Variants in SP100 observed in about 807,000 individuals in gnomAD.
The protein encoded by SP100 is nuclear autoantigen Sp-100.
A neutral mutation model predicts 130.0 loss-of-function variants in SP100; 84 were observed. The ratio of observed to expected loss-of-function variants is 0.65; its 90% CI spans 0.54 to 0.77. SP100 has a LOEUF of 0.77. Ranked by LOEUF, SP100 falls within the 30% of genes least tolerant of loss-of-function variation. The pLI, the probability that SP100 is intolerant of heterozygous loss-of-function variation, is 0.00. For synonymous variants in SP100, 331 were observed against 351.7 expected, an observed-to-expected ratio of 0.94 and a Z score of 0.66; for missense variants, 978 against 1,052.2, an observed-to-expected ratio of 0.93 and a Z score of 0.97.
At chr2:230,421,354 G>C (rs903545003) in intron 2 of SP100, among the ~76,000 whole-genome samples, 3 of 152,136 alleles carry the variant, frequency 2.0e-5, no homozygotes, top group Non-Finnish European at 2.9e-5. Flanking sequence ...GTTAGTTTCA[G>C]CTTCCAAGGC....
At chr2:230,529,209 C>T (rs568433186) in intron 24 of SP100, among the ~76,000 whole-genome samples, 4 of 152,320 alleles carry the variant, frequency 2.6e-5, no homozygotes, top group South Asian at 2.1e-4. Context: ...TCCAGCAACA[C>T]ATCCAAAAGC....
intron 17 of SP100, among the ~76,000 whole-genome samples, chr2:230,475,713 A>G (rs1243720744): frequency 6.6e-6 from 1 of 152,208 alleles, no homozygotes; most frequent in East Asian, 1.9e-4. Context: ...TAATTTTTGT[A>G]TAGGATGAGA....
intron 2 of SP100, among the ~76,000 whole-genome samples, chr2:230,438,648 TAC>T (rs796889943): frequency 0.064 from 8,179 of 127,344 alleles, 446 homozygotes; most frequent in East Asian, 0.15. Flanking sequence ...TGTATATATA[TAC>T]ACACACACAC....
intron 5 of SP100, among the ~76,000 whole-genome samples, chr2:230,447,578 A>T (rs545127236): frequency 6.6e-6 from 1 of 152,168 alleles, no homozygotes; most frequent in African/African-American, 2.4e-5. Context: ...CACAGATCTC[A>T]TGGAAATGTT....
intron 24 of SP100, among the ~76,000 whole-genome samples, chr2:230,522,747 C>T (rs1028126789): frequency 1.3e-5 from 2 of 151,936 alleles, no homozygotes; most frequent in African/African-American, 4.8e-5. Flanking sequence ...CTCGGCCTCC[C>T]AAAGTGCTGG....
intron 24 of SP100, among the ~76,000 whole-genome samples, chr2:230,524,194 A>AG (rs1289315137): frequency 7.9e-4 from 114 of 144,112 alleles, no homozygotes; most frequent in African/African-American, 2.7e-3. Flanking sequence ...AAAAAAAAAA[A>AG]AAAAAAAGAA....
chr2:230,450,115 G>C (rs2063901464), intron 7 of SP100, 57 bp from the exon 8 acceptor site: 3 of 1,286,540 alleles, frequency 2.3e-6, no homozygotes, highest in Admixed American at 3.7e-5. Context: ...TAACCAAATG[G>C]AAACAGGACA....
intron 24 of SP100, among the ~76,000 whole-genome samples, chr2:230,525,721 C>A (rs1241596681): frequency 6.6e-6 from 1 of 152,202 alleles, no homozygotes; most frequent in East Asian, 1.9e-4. Flanking sequence ...GCAGTCTTAG[C>A]AACCGACAGA....
Position 230,449,698 on chromosome 2 carries a change from G to T in SP100, c.724G>T (p.Ala242Ser). The change falls in exon 7 of 29, where the codon GCT becomes TCT. Residue 242 changes from alanine (A) to serine (S), a missense_variant. Transcript: ENST00000340126. ...AACAAATGAACAATGTGCTCAAAAG[G>T]CTGAGCCAACAGGTAAGACTGACTG... ...QQTNEQCAQKAEPTESCEQIA... is the reference protein window; with the variant it reads ...QQTNEQCAQKSEPTESCEQIA... 1.2e-6 allele frequency: 2 copies of T among 1,614,154 alleles called. No individual in the cohort carries two copies. Among genetic ancestry groups the T allele is most frequent in the Non-Finnish European group, 1.7e-6 (2 of 1,180,016 alleles).
intron 15 of SP100, among the ~76,000 whole-genome samples, chr2:230,472,843 C>T (rs530852856): frequency 6.6e-6 from 1 of 152,298 alleles, no homozygotes; most frequent in Admixed American, 6.5e-5. Context: ...AAAGGCCTCA[C>T]CCAGGCATTT....
intron 2 of SP100, among the ~76,000 whole-genome samples, chr2:230,433,666 G>A (rs1196142324): frequency 6.6e-6 from 1 of 151,914 alleles, no homozygotes; most frequent in Non-Finnish European, 1.5e-5. Flanking sequence ...TCTCATCAAT[G>A]TTTTGCCATT....
chr2:230,442,304 TCAC>T (rs1214497248), intron 2 of SP100, among the ~76,000 whole-genome samples: 1 of 152,300 alleles, frequency 6.6e-6, no homozygotes, highest in African/African-American at 2.4e-5. Context: ...CTAAAATGAT[TCAC>T]CATATATAGC....
intron 2 of SP100, among the ~76,000 whole-genome samples, chr2:230,438,146 T>A (rs916139492): frequency 6.6e-6 from 1 of 152,192 alleles, no homozygotes; most frequent in Non-Finnish European, 1.5e-5. Flanking sequence ...TTTAGTTGGA[T>A]TCTCTTTGAT....
At chr2:230,451,787 T>C (rs2063999816) in intron 8 of SP100, among the ~76,000 whole-genome samples, 1 of 140,160 alleles carries the variant, frequency 7.1e-6, no homozygotes, top group South Asian at 2.2e-4. Context: ...TAAATTTCAG[T>C]ATTTAGTCCA....
intron 2 of SP100, among the ~76,000 whole-genome samples, chr2:230,419,411 G>A (rs2062706752): frequency 6.6e-6 from 1 of 152,172 alleles, no homozygotes; most frequent in African/African-American, 2.4e-5. Flanking sequence ...TAGCTGTCCT[G>A]GTGATCAGAT....
chr2:230,435,791 C>T (rs1261725987), intron 2 of SP100, among the ~76,000 whole-genome samples: 1 of 152,050 alleles, frequency 6.6e-6, no homozygotes, highest in Non-Finnish European at 1.5e-5. Flanking sequence ...CATTTAGCTC[C>T]CACTTATAAG....
intron 2 of SP100, among the ~76,000 whole-genome samples, chr2:230,425,268 A>G (rs2062892372): frequency 6.6e-6 from 1 of 152,142 alleles, no homozygotes; most frequent in African/African-American, 2.4e-5. Context: ...TTATAACTGA[A>G]AGTCTGTGCC....
At chr2:230,511,085 A>G (rs1184919812) in intron 23 of SP100, 40 bp from the exon 24 acceptor site, 1 of 1,394,576 alleles carries the variant, frequency 7.2e-7, no homozygotes, top group Admixed American at 1.7e-5. Context: ...ATGAAAAATC[A>G]CACTCAATAT....
intron 14 of SP100, 165 bp from the exon 15 acceptor site, chr2:230,469,850 T>C (rs754682614): frequency 9.0e-5 from 135 of 1,507,676 alleles, no homozygotes; most frequent in Non-Finnish European, 1.2e-4. Flanking sequence ...TGGAGCAATC[T>C]TGACCAACAG....
Sources: allele counts gnomAD v4.1 joint callset (sites outside exome capture counted in the v4.1 genomes callset), GRCh38; gene constraint gnomAD v4.1.1; transcripts MANE v1.5; gene names NCBI Gene and HGNC (gene_info 2026-07-23, HGNC 2026-07-21).